Variants in RAP1GDS1 observed in about 807,000 individuals in gnomAD.
The protein encoded by RAP1GDS1 is RAP1, GTP-GDP dissociation stimulator 1.
A neutral mutation model predicts 71.1 loss-of-function variants in RAP1GDS1; 35 were observed. The observed-to-expected ratio is 0.49, with a 90% CI of 0.38 to 0.65. RAP1GDS1 has a LOEUF of 0.65. Among genes scored for constraint, RAP1GDS1 ranks in the 30% least tolerant of loss-of-function variants. The pLI is 0.00. For synonymous variants in RAP1GDS1, 229 were observed against 243.1 expected, an observed-to-expected ratio of 0.94 and a Z score of 0.54; for missense variants, 663 against 706.1, an observed-to-expected ratio of 0.94 and a Z score of 0.69.
intron 4 of RAP1GDS1, among the ~76,000 whole-genome samples, chr4:98,358,276 AGTGACG>A (rs967443772): frequency 5.9e-5 from 9 of 152,044 alleles, no homozygotes; most frequent in African/African-American, 2.2e-4. Flanking sequence ...TAGTGTACCT[AGTGACG>A]GTTCTACAAA....
intron 14 of RAP1GDS1, among the ~76,000 whole-genome samples, chr4:98,439,685 C>T (rs546471631): frequency 6.6e-6 from 1 of 152,054 alleles, no homozygotes; most frequent in African/African-American, 2.4e-5. Flanking sequence ...TTCCCTTGTC[C>T]CCTCTATTCT....
intron 7 of RAP1GDS1, among the ~76,000 whole-genome samples, chr4:98,405,668 T>C (rs1746010781): frequency 6.6e-6 from 1 of 152,026 alleles, no homozygotes; most frequent in South Asian, 2.1e-4. Flanking sequence ...AGATGCCTCA[T>C]ACTGAAAATG....
In RAP1GDS1 at chr4:98,343,376, C is replaced by A; in HGVS notation, c.235+115C>A. ...TTTGTAGATTAGACATTTTTTATTT[C>A]TATTTATCTTTTGTTTGACTCTTCA... On this transcript the variant is annotated intron_variant, in intron 3 of 14. Transcript: ENST00000408927. The A allele has an allele frequency of 3.1e-6, 4 of 1,297,194 alleles. No homozygotes were observed. In the South Asian group the frequency reaches 5.3e-5, roughly 17 times the overall value. The allele number at this position is 1,297,194 out of a possible 1,614,324, so 80.4% of individuals were successfully genotyped here.
At chr4:98,263,408 T>C (rs908826189) in intron 1 of RAP1GDS1, among the ~76,000 whole-genome samples, 1 of 152,216 alleles carries the variant, frequency 6.6e-6, no homozygotes, top group African/African-American at 2.4e-5. Flanking sequence ...AAAGAAATTA[T>C]CTACTTAAAA....
chr4:98,366,865 C>T (rs1434540996), intron 4 of RAP1GDS1, among the ~76,000 whole-genome samples: 2 of 152,132 alleles, frequency 1.3e-5, no homozygotes, highest in East Asian at 3.9e-4. Flanking sequence ...CTGTTAAAAG[C>T]ATTCAGTTTT....
At chr4:98,356,679 A>G (rs1738018711) in intron 4 of RAP1GDS1, among the ~76,000 whole-genome samples, 1 of 152,104 alleles carries the variant, frequency 6.6e-6, no homozygotes, top group Non-Finnish European at 1.5e-5. Flanking sequence ...ATGTATGCTT[A>G]TTATATAACT....
intron 6 of RAP1GDS1, among the ~76,000 whole-genome samples, chr4:98,397,815 A>G (rs894078956): frequency 1.7e-4 from 26 of 152,264 alleles, no homozygotes; most frequent in Admixed American, 4.6e-4. Context: ...AGGATATGAC[A>G]CTAAATTGAA....
intron 2 of RAP1GDS1, among the ~76,000 whole-genome samples, chr4:98,304,080 C>A (rs1379853193): frequency 1.3e-5 from 2 of 151,930 alleles, no homozygotes; most frequent in Non-Finnish European, 2.9e-5. Context: ...ATATCTACCA[C>A]ATTTCCAGTC....
intron 1 of RAP1GDS1, among the ~76,000 whole-genome samples, chr4:98,275,173 G>A (rs1389758963): frequency 2.0e-5 from 3 of 152,076 alleles, no homozygotes; most frequent in South Asian, 4.1e-4. Flanking sequence ...GATGTATATT[G>A]TATAGTACAA....
chr4:98,428,185 CA>C (rs562482725), intron 12 of RAP1GDS1, among the ~76,000 whole-genome samples: 31 of 147,412 alleles, frequency 2.1e-4, no homozygotes, highest in African/African-American at 3.0e-4. Context: ...CAACTTAATA[CA>C]AAAAAAAAAT....
At chr4:98,324,718 A>G (rs1348223518) in intron 2 of RAP1GDS1, among the ~76,000 whole-genome samples, 1 of 143,960 alleles carries the variant, frequency 6.9e-6, no homozygotes, top group African/African-American at 2.6e-5. Context: ...GGCTAGCCAT[A>G]TGTAGAAAGC....
At chr4:98,427,825 TACC>T (rs1170352502) in intron 12 of RAP1GDS1, among the ~76,000 whole-genome samples, 2 of 152,128 alleles carry the variant, frequency 1.3e-5, no homozygotes, top group African/African-American at 4.8e-5. Context: ...CCCATTAAAA[TACC>T]ACCATCATTC....
intron 11 of RAP1GDS1, 133 bp from the exon 12 acceptor site, chr4:98,421,122 T>G: frequency 1.0e-6 from 1 of 980,272 alleles, no homozygotes. Flanking sequence ...TAAGGAATAT[T>G]TGCAGTTCTA....
intron 2 of RAP1GDS1, among the ~76,000 whole-genome samples, chr4:98,327,160 A>C (rs1733245867): frequency 6.6e-6 from 1 of 152,198 alleles, no homozygotes; most frequent in Non-Finnish European, 1.5e-5. Context: ...TTTTTTAAAA[A>C]TCTAAAGTAC....
At chr4:98,369,500 C>T (rs532443820) in intron 4 of RAP1GDS1, among the ~76,000 whole-genome samples, 8 of 152,124 alleles carry the variant, frequency 5.3e-5, no homozygotes, top group South Asian at 2.1e-4. Flanking sequence ...AAAGATATAG[C>T]GGTATATCCA....
chr4:98,383,763 T>C (rs1742336735), intron 5 of RAP1GDS1, among the ~76,000 whole-genome samples: 1 of 151,622 alleles, frequency 6.6e-6, no homozygotes, highest in Non-Finnish European at 1.5e-5. Context: ...TCTTAGCTGC[T>C]ACTTTCAGTC....
At chr4:98,334,410 TGTATG>T (rs1734416216) in intron 2 of RAP1GDS1, among the ~76,000 whole-genome samples, 1 of 152,206 alleles carries the variant, frequency 6.6e-6, no homozygotes, top group South Asian at 2.1e-4. Flanking sequence ...CTGGCTGAAT[TGTATG>T]AGAAAAACAA....
intron 12 of RAP1GDS1, among the ~76,000 whole-genome samples, chr4:98,424,995 A>C (rs554152201): frequency 6.6e-6 from 1 of 152,324 alleles, no homozygotes; most frequent in African/African-American, 2.4e-5. Flanking sequence ...CAAAAGCACG[A>C]GGTAACCTAT....
intron 5 of RAP1GDS1, chr4:98,387,548 C>T (rs944229403): frequency 4.5e-6 from 2 of 447,788 alleles, no homozygotes; most frequent in African/African-American, 4.0e-5. Flanking sequence ...TGCCTTATAT[C>T]TCTTTGTATA....
Sources: gnomAD v4.1 joint callset for allele counts (sites outside exome capture counted in the v4.1 genomes callset) on GRCh38, gnomAD v4.1.1 for gene constraint, MANE v1.5 for transcripts, NCBI Gene and HGNC (gene_info 2026-07-23, HGNC 2026-07-21) for gene names.